RBFOX1: variants seen among roughly 807,000 people sequenced by gnomAD.
The protein encoded by RBFOX1 is RNA binding protein fox-1 homolog 1.
In RBFOX1, 8 loss-of-function variants were observed where a neutral mutation model predicts 57.7. That is an observed-to-expected ratio of 0.14 (90% CI 0.08 to 0.25). The LOEUF (loss-of-function observed/expected upper bound fraction) is 0.25. Ranked by LOEUF, RBFOX1 falls within the 10% of genes least tolerant of loss-of-function variation. The pLI, the probability that RBFOX1 is intolerant of heterozygous loss-of-function variation, is 1.00. For synonymous variants in RBFOX1, 326 were observed against 222.4 expected, an observed-to-expected ratio of 1.47 and a Z score of -4.15; for missense variants, 611 against 548.5, an observed-to-expected ratio of 1.11 and a Z score of -1.14.
intron 2 of RBFOX1, among the ~76,000 whole-genome samples, chr16:5,568,509 G>T (rs777719914): frequency 6.6e-6 from 1 of 152,140 alleles, no homozygotes; most frequent in Non-Finnish European, 1.5e-5. Flanking sequence ...AGAGAGCAGC[G>T]TAAAGGTCAC....
intron 1 of RBFOX1, among the ~76,000 whole-genome samples, chr16:5,410,316 G>T (rs2066985953): frequency 6.6e-6 from 1 of 151,674 alleles, no homozygotes; most frequent in Non-Finnish European, 1.5e-5. Context: ...AGGCTGCAAT[G>T]AGCTGTGATT....
At chr16:5,907,010 T>C (rs2058475188) in intron 4 of RBFOX1, among the ~76,000 whole-genome samples, 1 of 152,072 alleles carries the variant, frequency 6.6e-6, no homozygotes, top group South Asian at 2.1e-4. Flanking sequence ...GTGCTGGGAT[T>C]ACAGGCATGA....
At chr16:5,589,299 T>C (rs1034817305) in intron 2 of RBFOX1, among the ~76,000 whole-genome samples, 1 of 152,184 alleles carries the variant, frequency 6.6e-6, no homozygotes, top group Non-Finnish European at 1.5e-5. Flanking sequence ...GTGTGGTGTG[T>C]GCTGGGGTCA....
intron 4 of RBFOX1, among the ~76,000 whole-genome samples, chr16:7,257,230 G>C (rs2094726342): frequency 6.6e-6 from 1 of 152,108 alleles, no homozygotes; most frequent in African/African-American, 2.4e-5. Context: ...GGGTCATGCT[G>C]TAATCCCCAG....
intron 2 of RBFOX1, among the ~76,000 whole-genome samples, chr16:5,534,503 A>G (rs1349200670): frequency 6.6e-6 from 1 of 152,164 alleles, no homozygotes; most frequent in East Asian, 1.9e-4. Context: ...TAAATCTAAG[A>G]GTCAAAAGGT....
intron 1 of RBFOX1, among the ~76,000 whole-genome samples, chr16:6,162,925 G>T (rs577750082): frequency 1.3e-5 from 2 of 152,096 alleles, no homozygotes; most frequent in African/African-American, 4.8e-5. Flanking sequence ...GTAGAGACGA[G>T]GTTTTGCCAT....
intron 3 of RBFOX1, among the ~76,000 whole-genome samples, chr16:5,845,077 T>A (rs1038743207): frequency 6.6e-6 from 1 of 150,442 alleles, no homozygotes; most frequent in Non-Finnish European, 1.5e-5. Flanking sequence ...TTTTTTTTTT[T>A]TTCTGTAACA....
At chr16:6,895,592 A>G (rs893765414) in intron 3 of RBFOX1, among the ~76,000 whole-genome samples, 2 of 151,146 alleles carry the variant, frequency 1.3e-5, no homozygotes, top group Admixed American at 1.3e-4. Context: ...AAATTTTTTT[A>G]AAGGAGGAAG....
intron 4 of RBFOX1, among the ~76,000 whole-genome samples, chr16:7,370,839 C>T (rs897809258): frequency 6.6e-6 from 1 of 152,122 alleles, no homozygotes; most frequent in African/African-American, 2.4e-5. Flanking sequence ...CTTTGGTAGG[C>T]ATGATTAATT....
chr16:7,029,079 TATACACACACAC>T lies in RBFOX1; in HGVS notation c.-15-22976_-15-22965del, dbSNP rs1185153682. Among the ~76,000 whole-genome samples, 61 of 36,982 alleles carry T rather than the reference TATACACACACAC, an allele frequency of 1.6e-3. 8 individuals are homozygous for T. The highest frequency in any genetic ancestry group is 0.015 in the African/African-American group (45 of 3,030). The allele number at this position is 36,982 out of a possible 152,430, so 24.3% of individuals were successfully genotyped here. On this transcript the variant is annotated intron_variant, in intron 3 of 15. Coordinates refer to ENST00000550418, the MANE Select transcript of RBFOX1 (RefSeq NM_018723.4). ...ATATATATATATATATATATATATATATACACACACACACACACACACACACACACACACACA... is the reference window on the plus strand; with the variant it reads ...ATATATATATATATATATATATATATACACACACACACACACACACACACA...
chr16:6,195,767 T>C (rs1256372843), intron 1 of RBFOX1, among the ~76,000 whole-genome samples: 2 of 151,938 alleles, frequency 1.3e-5, no homozygotes, highest in Non-Finnish European at 2.9e-5. Flanking sequence ...ATGTGCTCTC[T>C]CTGAGGTCAT....
intron 11 of RBFOX1, among the ~76,000 whole-genome samples, chr16:7,632,537 C>G (rs983003990): frequency 6.6e-6 from 1 of 152,202 alleles, no homozygotes; most frequent in Non-Finnish European, 1.5e-5. Context: ...TCTTCTGAAC[C>G]TGGGAACATT....
At chr16:5,416,676 G>T (rs929584034) in intron 1 of RBFOX1, among the ~76,000 whole-genome samples, 2 of 147,820 alleles carry the variant, frequency 1.4e-5, no homozygotes. Flanking sequence ...TGTATGTAAT[G>T]TGTCTTTTTT....
intron 3 of RBFOX1, among the ~76,000 whole-genome samples, chr16:5,742,644 T>C (rs1317297814): frequency 1.3e-5 from 2 of 152,204 alleles, no homozygotes; most frequent in African/African-American, 2.4e-5. Flanking sequence ...AGGCAATTAA[T>C]GCTCAACTAG....
chr16:6,719,330 C>T (rs1293717445), intron 3 of RBFOX1, among the ~76,000 whole-genome samples: 1 of 152,020 alleles, frequency 6.6e-6, no homozygotes, highest in Non-Finnish European at 1.5e-5. Flanking sequence ...GCAATCACAT[C>T]AATTAAACTC....
rs1055418543 is a variant in RBFOX1 at position 5,343,240 on chromosome 16, C to T, written c.219+103135C>T. ...TGATCAAACCATACCTAAAGTCCTA[C>T]TTCTGTACTTTTCAGTTAAAGTCAT... On this transcript the variant is annotated intron_variant, in intron 1 of 2. Coordinates refer to the RBFOX1 transcript ENST00000585867. 3.2e-4 allele frequency among the ~76,000 whole-genome samples: 47 copies of T among 148,520 alleles called. 1 individual carries two copies. Among genetic ancestry groups the T allele is most frequent in the Non-Finnish European group, 3.0e-5 (2 of 67,374 alleles).
At chr16:7,121,116 A>T (rs1333770423) in intron 4 of RBFOX1, among the ~76,000 whole-genome samples, 1 of 152,048 alleles carries the variant, frequency 6.6e-6, no homozygotes, top group South Asian at 2.1e-4. Context: ...ACCTTCTGCA[A>T]CCTGGTAGAG....
chr16:6,068,668 C>T (rs1368030749), intron 1 of RBFOX1, among the ~76,000 whole-genome samples: 4 of 152,160 alleles, frequency 2.6e-5, no homozygotes, highest in Non-Finnish European at 5.9e-5. Flanking sequence ...ACTGAGGCTG[C>T]AGAGGAAGGT....
At chr16:7,132,757 C>G (rs938051686) in intron 4 of RBFOX1, among the ~76,000 whole-genome samples, 7 of 152,064 alleles carry the variant, frequency 4.6e-5, no homozygotes, top group African/African-American at 1.7e-4. Flanking sequence ...CATGATTTCA[C>G]TTATATAGCT....
Sources: gnomAD v4.1 joint callset for allele counts (sites outside exome capture counted in the v4.1 genomes callset) on GRCh38, gnomAD v4.1.1 for gene constraint, MANE v1.5 for transcripts, NCBI Gene and HGNC (gene_info 2026-07-23, HGNC 2026-07-21) for gene names.